Variants in RCC1 observed in about 807,000 individuals in gnomAD.
The protein encoded by RCC1 is regulator of chromosome condensation.
Under a neutral mutation model 44.4 loss-of-function variants are expected in RCC1, and 11 were observed. That is an observed-to-expected ratio of 0.25 (90% CI 0.16 to 0.41). The LOEUF (loss-of-function observed/expected upper bound fraction) is 0.41, where lower values mean the gene tolerates loss of function less well. Among genes scored for constraint, RCC1 ranks in the 10% least tolerant of loss-of-function variants. RCC1 has a pLI of 1.00. For synonymous variants in RCC1, 213 were observed against 216.5 expected (o/e 0.98, Z 0.14); for missense variants, 386 against 547.1 (o/e 0.71, Z 2.94).
chr1:28,518,563 C>G (rs1257994126), intron 4 of RCC1: 1 of 149,108 alleles, frequency 6.7e-6, no homozygotes, highest in East Asian at 2.0e-4. Flanking sequence ...CCCTCCGCCG[C>G]CGCGCCTCTC....
chr1:28,511,791 G>C (rs1439916990), intron 3 of RCC1, among the ~76,000 whole-genome samples: 4 of 151,742 alleles, frequency 2.6e-5, no homozygotes, highest in Non-Finnish European at 5.9e-5. Context: ...CTCCCAAGTA[G>C]CTGGGATTAC....
chr1:28,515,172 C>T (rs1322569857), intron 3 of RCC1, among the ~76,000 whole-genome samples: 1 of 152,036 alleles, frequency 6.6e-6, no homozygotes, highest in Non-Finnish European at 1.5e-5. Context: ...CGCCTGTAAT[C>T]CCAGCTACTC....
chr1:28,507,595 G>A lies in RCC1; in HGVS notation c.-261-533G>A, dbSNP rs750239640. The A allele has an allele frequency of 1.3e-4, 61 of 461,442 alleles. 2 individuals carry two copies. The highest frequency in any genetic ancestry group is 1.4e-3 in the Middle Eastern group (2 of 1,448). 28.6% of individuals were successfully genotyped at this position (461,442 alleles called of 1,614,324 possible). ...CCTTCTAGAGCACTGAATCTGGATT[G>A]AAGTCTTTTTTTTTTTTTTTTTTTT... On this transcript the variant is annotated intron_variant, in intron 1 of 12. Transcript: ENST00000683442.
chr1:28,524,727 G>A (rs1570194419), intron 4 of RCC1, among the ~76,000 whole-genome samples: 1 of 152,160 alleles, frequency 6.6e-6, no homozygotes. Flanking sequence ...GCGTGGTGGT[G>A]CACACCTGTA....
chr1:28,521,501 GAAAAAA>G (rs71586849), intron 4 of RCC1, among the ~76,000 whole-genome samples: 10 of 56,814 alleles, frequency 1.8e-4, no homozygotes, highest in Admixed American at 1.2e-3. Flanking sequence ...CTCCACCTCA[GAAAAAA>G]AAAAAAAAAA....
At chr1:28,520,069 T>A (rs140243392) in intron 4 of RCC1, among the ~76,000 whole-genome samples, 1 of 152,108 alleles carries the variant, frequency 6.6e-6, no homozygotes, top group Admixed American at 6.6e-5. Context: ...AATGAACACA[T>A]AGGCCCAGGC....
intron 4 of RCC1, among the ~76,000 whole-genome samples, chr1:28,519,586 G>A (rs1245401313): frequency 4.0e-5 from 6 of 150,504 alleles, no homozygotes; most frequent in African/African-American, 1.5e-4. Flanking sequence ...TTTTTTTTGA[G>A]ACGGAGTTTC....
intron 3 of RCC1, among the ~76,000 whole-genome samples, chr1:28,516,160 G>T (rs1432801087): frequency 6.6e-6 from 1 of 151,908 alleles, no homozygotes; most frequent in East Asian, 1.9e-4. Context: ...TCTAGCCTGG[G>T]CGGGTCAGGA....
At chr1:28,530,037 G>T (rs1664025132) in intron 5 of RCC1, 98 bp downstream of exon 5, 1 of 937,600 alleles carries the variant, frequency 1.1e-6, no homozygotes, top group Admixed American at 2.4e-5. Flanking sequence ...GAAGCTGAAG[G>T]GTGTGGATGT....
intron 5 of RCC1, among the ~76,000 whole-genome samples, chr1:28,530,799 G>A (rs1664104008): frequency 6.6e-6 from 1 of 152,114 alleles, no homozygotes; most frequent in Non-Finnish European, 1.5e-5. Context: ...TCTTCCTCCC[G>A]CCCCTCCTGC....
intron 9 of RCC1, 41 bp from the exon 10 acceptor site, chr1:28,535,830 T>C: frequency 1.3e-6 from 2 of 1,589,852 alleles, no homozygotes; most frequent in East Asian, 2.2e-5. Flanking sequence ...AAGCCATGTG[T>C]GTCTGTCTGT....
chr1:28,515,163 G>A (rs779669616), intron 3 of RCC1, among the ~76,000 whole-genome samples: 1 of 151,928 alleles, frequency 6.6e-6, no homozygotes, highest in Non-Finnish European at 1.5e-5. Flanking sequence ...GGTGGTGCAC[G>A]CCTGTAATCC....
intron 5 of RCC1, 101 bp from the exon 6 acceptor site, chr1:28,531,702 G>C: frequency 1.0e-6 from 1 of 963,144 alleles, no homozygotes; most frequent in Non-Finnish European, 1.5e-6. Context: ...GTCTGTGGCA[G>C]AGCAGGGGCT....
Position 28,535,389 on chromosome 1 carries a change from C to T in RCC1, c.661+9C>T. Reference sequence around the variant, plus strand: ...TGGCCGGCAAGGCCTCGGTAAGTGGCCTTGGTACCTCCAGCAGGGCAAATT... The same window carrying T: ...TGGCCGGCAAGGCCTCGGTAAGTGGTCTTGGTACCTCCAGCAGGGCAAATT... On this transcript the variant is annotated intron_variant, in intron 9 of 12. Coordinates refer to ENST00000683442, the MANE Select transcript of RCC1 (RefSeq NM_001381865.2). 6.2e-7 allele frequency: 1 copy of T among 1,613,656 alleles called. No individual in the cohort carries two copies. Among genetic ancestry groups the T allele is most frequent in the South Asian group, 1.1e-5 (1 of 91,008 alleles).
intron 4 of RCC1, chr1:28,526,785 A>G (rs1204533721): frequency 1.8e-6 from 1 of 560,220 alleles, no homozygotes; most frequent in Non-Finnish European, 3.2e-6. Flanking sequence ...AATTCCAGGT[A>G]CTCAGGAGGC....
intron 4 of RCC1, among the ~76,000 whole-genome samples, chr1:28,523,885 C>T (rs903398886): frequency 3.3e-5 from 5 of 152,184 alleles, no homozygotes; most frequent in Non-Finnish European, 5.9e-5. Flanking sequence ...GGTGCAAACT[C>T]GGCTTACCAC....
Position 28,538,225 on chromosome 1 carries a change from G to A in RCC1, c.*218G>A. The A allele has an allele frequency of 2.2e-6, 1 of 459,788 alleles. No individual in the cohort carries two copies. The highest frequency in any genetic ancestry group is 3.6e-5 in the Admixed American group (1 of 27,448). 28.5% of individuals were successfully genotyped at this position (459,788 alleles called of 1,614,324 possible). On this transcript the variant is annotated 3_prime_UTR_variant, in exon 13 of 13. Transcript: ENST00000683442. ...AGAATAAAGGGGGGGATGGACAGGGGGTTTTCAAAAGGAACATGGCTCACT... is the reference window on the plus strand; with the variant it reads ...AGAATAAAGGGGGGGATGGACAGGGAGTTTTCAAAAGGAACATGGCTCACT...
chr1:28,534,716 G>T (rs1048053987), intron 7 of RCC1, among the ~76,000 whole-genome samples: 17 of 152,154 alleles, frequency 1.1e-4, no homozygotes, highest in African/African-American at 3.4e-4. Context: ...CAAGCGATCT[G>T]CCCACCTGGG....
At chr1:28,506,682 A>G (rs1480363437) in intron 1 of RCC1, 9 of 164,114 alleles carry the variant, frequency 5.5e-5, no homozygotes, top group Admixed American at 1.7e-4. Flanking sequence ...TAGTAGGCAC[A>G]TTGTCGTTCT....
Sources: allele counts gnomAD v4.1 joint callset (sites outside exome capture counted in the v4.1 genomes callset), GRCh38; gene constraint gnomAD v4.1.1; transcripts MANE v1.5; gene names NCBI Gene and HGNC (gene_info 2026-07-23, HGNC 2026-07-21).